The following DLG5 variants were observed in gnomAD, a reference collection of about 807,000 sequenced individuals.
DLG5 encodes the protein discs large MAGUK scaffold protein 5.
A neutral mutation model predicts 189.8 loss-of-function variants in DLG5; 48 were observed. The observed-to-expected ratio is 0.25, with a 90% CI of 0.20 to 0.32. DLG5 has a LOEUF of 0.32. Ranked by LOEUF, DLG5 falls within the 10% of genes least tolerant of loss-of-function variation. DLG5 has a pLI of 1.00. For synonymous variants in DLG5, 1,016 were observed against 1,054.1 expected, an observed-to-expected ratio of 0.96 and a Z score of 0.70; for missense variants, 2,160 against 2,544.7, an observed-to-expected ratio of 0.85 and a Z score of 3.25.
upstream of DLG5, chr10:77,928,855 C>T (rs1265833815): frequency 1.3e-5 from 2 of 151,988 alleles, no homozygotes; most frequent in African/African-American, 2.4e-5. Context: ...GGTAAAACCC[C>T]GTCTCTAACA....
intron 13 of DLG5, among the ~76,000 whole-genome samples, chr10:77,826,784 C>T (rs966078653): frequency 3.3e-5 from 5 of 152,132 alleles, no homozygotes; most frequent in African/African-American, 4.8e-5. Flanking sequence ...CCCGTCTCTA[C>T]TAAAAGTACA....
chr10:77,811,586 A>AG (rs1491386805), intron 22 of DLG5, among the ~76,000 whole-genome samples: 1 of 152,088 alleles, frequency 6.6e-6, no homozygotes, highest in African/African-American at 2.4e-5. Context: ...CCCACAGCTC[A>AG]GGGGCAGATA....
rs982990485 is a variant in DLG5, at chr10:77,816,793, C to A, written c.3875-92G>T. On this transcript the variant is annotated intron_variant, in intron 19 of 31. Coordinates refer to ENST00000372391, the MANE Select transcript of DLG5 (RefSeq NM_004747.4). ...AGGCAGGTGCGATCCAGACACACAG[C>A]TCTATCCCCACTGCATCGCATAGTC... is the stretch of plus-strand genomic sequence containing the variant. 4 of 1,512,842 alleles carry A rather than the reference C, an allele frequency of 2.6e-6. No homozygotes were observed. The African/African-American group carries it at 4.1e-5, about 16-fold the overall frequency. 93.7% of individuals were successfully genotyped at this position (1,512,842 alleles called of 1,614,324 possible). A position where few individuals can be genotyped will look rare whatever the true frequency, so the allele number is the denominator to read the frequency against.
chr10:77,794,241 G>C lies in DLG5; in HGVS notation c.5547-124C>G, dbSNP rs371932485. On this transcript the variant is annotated intron_variant, in intron 30 of 31. Coordinates refer to ENST00000372391, the MANE Select transcript of DLG5 (RefSeq NM_004747.4). ...TAGGCTGTGGAGGGAGGCCCCATGTGCTCCCCACATAAAGCACAGCAACAG... is the reference window on the plus strand; with the variant it reads ...TAGGCTGTGGAGGGAGGCCCCATGTCCTCCCCACATAAAGCACAGCAACAG... The C allele has an allele frequency of 2.4e-4, 188 of 770,776 alleles. No homozygotes were observed. In the East Asian group the frequency reaches 4.5e-3, roughly 18 times the overall value. The allele number at this position is 770,776 out of a possible 1,614,324, so 47.7% of individuals were successfully genotyped here.
chr10:77,904,356 G>C (rs540166259), intron 1 of DLG5, among the ~76,000 whole-genome samples: 1 of 152,092 alleles, frequency 6.6e-6, no homozygotes, highest in East Asian at 2.0e-4. Flanking sequence ...TTGGACTGTG[G>C]ACTTTTGGAT....
chr10:77,868,872 C>T, intron 2 of DLG5: 1 of 504,892 alleles, frequency 2.0e-6, no homozygotes, highest in Non-Finnish European at 3.5e-6. Context: ...TCAACAGGCT[C>T]CCCTAGAAGC....
rs532783123 is a variant in DLG5, at chr10:77,811,532, C to T, written c.4323-298G>A. Reference sequence around the variant, plus strand: ...CCCATCTCTCCTGCTGAGCTTGTGGCGCAGCACTGCAGGGCATGCCTCCCC... The same window carrying T: ...CCCATCTCTCCTGCTGAGCTTGTGGTGCAGCACTGCAGGGCATGCCTCCCC... On this transcript the variant is annotated intron_variant, in intron 22 of 31. Coordinates refer to ENST00000372391, the MANE Select transcript of DLG5 (RefSeq NM_004747.4). 7.2e-5 allele frequency among the ~76,000 whole-genome samples: 11 copies of T among 152,200 alleles called. No individual in the cohort carries two copies. The East Asian group carries it at 2.1e-3, about 29-fold the overall frequency.
In DLG5 at chr10:77,919,499, GA is replaced by G. The variant is rs570632429; in HGVS notation, c.304+6717del. ...TTCTGTTTTGACTGTTGAACTGGGGGAAAAAAAAAAAACAAGCACCAGGAAG... is the reference window on the plus strand; with the variant it reads ...TTCTGTTTTGACTGTTGAACTGGGGGAAAAAAAAAAACAAGCACCAGGAAG... On this transcript the variant is annotated intron_variant, in intron 1 of 31. Transcript: ENST00000372391. Among the ~76,000 whole-genome samples the G allele has an allele frequency of 4.2e-3, 503 of 119,530 alleles. 2 individuals are homozygous for G. The highest frequency in any genetic ancestry group is 0.025 in the Middle Eastern group (5 of 198). The allele number at this position is 119,530 out of a possible 152,430, so 78.4% of individuals were successfully genotyped here. A position where few individuals can be genotyped will look rare whatever the true frequency, so the allele number is the denominator to read the frequency against.
chr10:77,839,876 A>G (rs1015268016), intron 7 of DLG5, among the ~76,000 whole-genome samples: 1 of 152,190 alleles, frequency 6.6e-6, no homozygotes, highest in African/African-American at 2.4e-5. Context: ...GGTTCCTTGT[A>G]TGAAATTCCC....
intron 1 of DLG5, among the ~76,000 whole-genome samples, chr10:77,893,428 A>G (rs181032786): frequency 6.6e-6 from 1 of 152,368 alleles, no homozygotes; most frequent in African/African-American, 2.4e-5. Flanking sequence ...TCTCAGCCCC[A>G]CTTTACTGAA....
At chr10:77,935,033 A>AT in the DLG5 span, among the ~76,000 whole-genome samples, 3 of 151,830 alleles carry the variant, frequency 2.0e-5, no homozygotes, top group African/African-American at 2.4e-5. Context: ...AACTTTTTGT[A>AT]TTTTTAGTAG....
Position 77,891,573 on chromosome 10 carries a change from GACACACAC to G in DLG5, c.305-22384_305-22377del, listed in dbSNP as rs55688664. 9.4e-3 allele frequency among the ~76,000 whole-genome samples: 1,316 copies of G among 140,458 alleles called. 23 individuals are homozygous for G. Among genetic ancestry groups the G allele is most frequent in the Admixed American group, 0.028 (391 of 14,044 alleles). The allele number at this position is 140,458 out of a possible 152,430, so 92.1% of individuals were successfully genotyped here. ...GTGAGCTCACCTCTGTCCCCCAACA[GACACACAC>G]ACACACACACACACACACACACACA... On this transcript the variant is annotated intron_variant, in intron 1 of 31. Transcript: ENST00000372391.
chr10:77,887,296 G>A (rs1292473214), intron 1 of DLG5, among the ~76,000 whole-genome samples: 1 of 152,102 alleles, frequency 6.6e-6, no homozygotes, highest in Non-Finnish European at 1.5e-5. Context: ...CTCCTGAGCT[G>A]CCTGAGTCCT....
chr10:77,842,927 T>A (rs12263095), intron 6 of DLG5, among the ~76,000 whole-genome samples: 20,616 of 152,018 alleles, frequency 0.14, 4,483 homozygotes, highest in African/African-American at 0.46. Context: ...AAGAGCACTT[T>A]TCATGTGAAA....
At chr10:77,812,520 G>C (rs1280575908) in intron 20 of DLG5, 143 bp from the exon 21 acceptor site, 1 of 920,564 alleles carries the variant, frequency 1.1e-6, no homozygotes, top group Admixed American at 2.8e-5. Context: ...AGCTACATGG[G>C]GACATGGTGG....
chr10:77,854,983 G>A (rs1489639779), intron 3 of DLG5, among the ~76,000 whole-genome samples: 1 of 151,992 alleles, frequency 6.6e-6, no homozygotes, highest in African/African-American at 2.4e-5. Flanking sequence ...AGAGGATCCT[G>A]TCTCAAAAAT....
At chr10:77,906,441 CTCAT>C in intron 1 of DLG5, among the ~76,000 whole-genome samples, 1 of 152,302 alleles carries the variant, frequency 6.6e-6, no homozygotes, top group East Asian at 1.9e-4. Context: ...GAAACAACTG[CTCAT>C]TGATAAGTCT....
At chr10:77,811,891 C>T (rs750861807) in intron 22 of DLG5, 33 bp downstream of exon 22, 5 of 1,582,778 alleles carry the variant, frequency 3.2e-6, no homozygotes, top group African/African-American at 1.3e-5. Flanking sequence ...TCTCCACCCC[C>T]AGCCCAGACG....
Position 77,812,236 on chromosome 10 carries a change from C to G in DLG5, c.4167G>C (p.Glu1389Asp), listed in dbSNP as rs1340634827. 2 of 1,613,752 alleles carry G rather than the reference C, an allele frequency of 1.2e-6. No homozygotes were observed. Among genetic ancestry groups the G allele is most frequent in the Non-Finnish European group, 1.7e-6 (2 of 1,179,808 alleles). Residue 1389 changes from glutamate (E) to aspartate (D), a missense_variant, in exon 21 of 32, where the codon GAG (glutamate) becomes GAC (aspartate). By Grantham distance (45) the Glu-to-Asp change is conservative. This residue lies in a region of DLG5 where 61 missense variants were observed against 101.0 expected (regional missense o/e 0.60). Transcript: ENST00000372391. ...TCACCTCCAGTAACTGATCCCCATACTCGAGGCCAGCCTGGTGAGCGATGC... is the reference window on the plus strand; with the variant it reads ...TCACCTCCAGTAACTGATCCCCATAGTCGAGGCCAGCCTGGTGAGCGATGC... ...VGSIAHQAGL[E>D]YGDQLLEFNG... is the part of the protein sequence containing the mutation.
Sources: allele counts gnomAD v4.1 joint callset (sites outside exome capture counted in the v4.1 genomes callset), GRCh38; gene constraint gnomAD v4.1.1; regional missense constraint gnomAD v4.1.1; transcripts MANE v1.5; gene names NCBI Gene and HGNC (gene_info 2026-07-23, HGNC 2026-07-21).